The following DCUN1D2 variants were observed in gnomAD, a reference collection of about 807,000 sequenced individuals.
The protein encoded by DCUN1D2 is defective in cullin neddylation 1 domain containing 2, also known as DCN1-like protein 2.
Under a neutral mutation model 30.9 loss-of-function variants are expected in DCUN1D2, and 29 were observed. That is an observed-to-expected ratio of 0.94 (90% CI 0.70 to 1.28). The LOEUF (loss-of-function observed/expected upper bound fraction) is 1.28. Among genes scored for constraint, DCUN1D2 ranks in the 50% most tolerant of loss-of-function variants. DCUN1D2 has a pLI of 0.00. For missense variants in DCUN1D2, 325 were observed against 316.9 expected (o/e 1.03, Z -0.19); for synonymous variants, 121 against 115.3 (o/e 1.05, Z -0.32).
At chr13:113,474,306 A>C (rs761347088) in intron 3 of DCUN1D2, 52 bp from the exon 4 acceptor site, 2 of 1,598,758 alleles carry the variant, frequency 1.3e-6, no homozygotes, top group Non-Finnish European at 1.7e-6. Context: ...TCCCTAGTCG[A>C]CTCCCCTTGT....
rs1293937896 is a variant in DCUN1D2 at position 113,455,978 on chromosome 13, TCAAAAA to T, written c.*2045_*2050del. On this transcript the variant is annotated 3_prime_UTR_variant, in exon 7 of 7. Transcript: ENST00000478244. ...TGACAATCCCTTAGAACTTTAAATC[TCAAAAA>T]CAAAAAAGTACTGTGGATCTCCATA... is the stretch of plus-strand genomic sequence containing the variant. The T allele has an allele frequency of 5.3e-6, 2 of 379,810 alleles. No homozygotes were observed. The highest frequency in any genetic ancestry group is 2.1e-5 in the African/African-American group (1 of 48,298). 23.5% of individuals were successfully genotyped at this position (379,810 alleles called of 1,614,324 possible).
chr13:113,473,733 G>C (rs1215519328), intron 4 of DCUN1D2, among the ~76,000 whole-genome samples: 3 of 152,246 alleles, frequency 2.0e-5, no homozygotes, highest in Admixed American at 1.3e-4. Flanking sequence ...GCCGGCCGCA[G>C]TGGCTCAGGC....
At position 113,483,975 on chromosome 13, in the gene DCUN1D2, A is replaced by C. The variant is rs2044757211; in HGVS notation, c.85T>G (p.Cys29Gly). ...AGTCTCCACTCATTCTGCGTTAAGCAGTAGATAGCAGTTCTCTCGCCAGCC... is the reference window on the plus strand; with the variant it reads ...AGTCTCCACTCATTCTGCGTTAAGCCGTAGATAGCAGTTCTCTCGCCAGCC... ...TQAGERTAIY[C>G]LTQNEWRLDE... The change falls in exon 2 of 7, where the codon TGC becomes GGC. Residue 29 changes from cysteine (C) to glycine (G), a missense_variant. Transcript: ENST00000478244. 6.2e-7 allele frequency: 1 copy of C among 1,614,250 alleles called. No homozygotes were observed. Among genetic ancestry groups the C allele is most frequent in the East Asian group, 2.2e-5 (1 of 44,890 alleles).
intron 4 of DCUN1D2, among the ~76,000 whole-genome samples, chr13:113,468,159 C>T (rs1439826199): frequency 1.3e-5 from 2 of 152,052 alleles, no homozygotes; most frequent in African/African-American, 4.8e-5. Flanking sequence ...ACCGAAGTGT[C>T]CACTGGGATA....
Position 113,459,760 on chromosome 13 carries a change from C to T in DCUN1D2, c.604-352G>A, listed in dbSNP as rs373491047. On this transcript the variant is annotated intron_variant, in intron 5 of 6. Coordinates refer to ENST00000478244, the MANE Select transcript of DCUN1D2 (RefSeq NM_001014283.2). ...CATAAGCTTGTCTTACATTTTAAAA[C>T]ATTAACTGCTATCAAATTACACATA... 7.9e-5 allele frequency among the ~76,000 whole-genome samples: 12 copies of T among 152,274 alleles called. No individual in the cohort carries two copies. In the South Asian group the frequency reaches 2.5e-3, roughly 32 times the overall value.
chr13:113,482,415 A>G (rs2044726183), intron 2 of DCUN1D2, among the ~76,000 whole-genome samples: 1 of 152,230 alleles, frequency 6.6e-6, no homozygotes, highest in African/African-American at 2.4e-5. Context: ...TATGACTTAC[A>G]AAATTAGCTC....
At position 113,457,725 on chromosome 13, in the gene DCUN1D2, C is replaced by A. The variant is rs2044249045; in HGVS notation, c.*304G>T. ...CTACGCAGCATGCTCTGCGGTCCCA[C>A]AGGCGGCGCTATGGCTCTACCTTAG... is the stretch of plus-strand genomic sequence containing the variant. On this transcript the variant is annotated 3_prime_UTR_variant, in exon 7 of 7. Transcript: ENST00000478244. The A allele has an allele frequency of 4.1e-6, 1 of 244,874 alleles. No individual in the cohort carries two copies. The highest frequency in any genetic ancestry group is 2.2e-5 in the African/African-American group (1 of 45,694). 15.2% of individuals were successfully genotyped at this position (244,874 alleles called of 1,614,324 possible).
At chr13:113,487,341 C>T (rs1396829036) in intron 1 of DCUN1D2, among the ~76,000 whole-genome samples, 1 of 152,168 alleles carries the variant, frequency 6.6e-6, no homozygotes, top group Non-Finnish European at 1.5e-5. Flanking sequence ...CATGGTTATA[C>T]AACAACATTT....
At chr13:113,469,147 C>T (rs1055264118) in intron 4 of DCUN1D2, among the ~76,000 whole-genome samples, 6 of 103,526 alleles carry the variant, frequency 5.8e-5, no homozygotes, top group Admixed American at 4.5e-4. Context: ...CACGCCTGCA[C>T]ACACACACAC....
rs1436486306 is a variant in DCUN1D2 at position 113,456,879 on chromosome 13, G to GTATT, written c.*1149_*1150insAATA. On this transcript the variant is annotated 3_prime_UTR_variant, in exon 7 of 7. Coordinates refer to ENST00000478244, the MANE Select transcript of DCUN1D2 (RefSeq NM_001014283.2). Reference sequence around the variant, plus strand: ...ACCAGCTCATTCGGTTTTATTGTATGTATGTATGTATTTATTTTGAGACAG... The same window carrying GTATT: ...ACCAGCTCATTCGGTTTTATTGTATGTATTTATGTATGTATTTATTTTGAGACAG... The GTATT allele has an allele frequency of 6.9e-6, 1 of 145,156 alleles. No individual in the cohort carries two copies. Among genetic ancestry groups the GTATT allele is most frequent in the African/African-American group, 2.7e-5 (1 of 36,748 alleles). The allele number at this position is 145,156 out of a possible 1,614,324, so 9.0% of individuals were successfully genotyped here.
intron 3 of DCUN1D2, among the ~76,000 whole-genome samples, chr13:113,476,643 T>C (rs556252976): frequency 2.0e-5 from 3 of 152,358 alleles, no homozygotes; most frequent in South Asian, 2.1e-4. Context: ...CAGAAGTTCT[T>C]ATTTTTACTA....
chr13:113,476,099 A>G (rs1325305063), intron 3 of DCUN1D2: 4 of 152,210 alleles, frequency 2.6e-5, no homozygotes, highest in Non-Finnish European at 4.4e-5. Context: ...TGTTATATAC[A>G]TATTTTATGA....
intron 4 of DCUN1D2, among the ~76,000 whole-genome samples, chr13:113,466,397 C>G (rs1283471787): frequency 1.3e-5 from 2 of 152,142 alleles, no homozygotes; most frequent in African/African-American, 4.8e-5. Context: ...AATCTGGCAT[C>G]TGGTATGTAG....
chr13:113,487,540 C>A (rs2044828458), intron 1 of DCUN1D2, among the ~76,000 whole-genome samples: 1 of 152,134 alleles, frequency 6.6e-6, no homozygotes, highest in Admixed American at 6.5e-5. Context: ...GTGCACGAGT[C>A]CAGCCACACG....
intron 4 of DCUN1D2, among the ~76,000 whole-genome samples, chr13:113,463,564 T>G (rs1342475579): frequency 6.6e-6 from 1 of 151,482 alleles, no homozygotes; most frequent in Non-Finnish European, 1.5e-5. Context: ...CACAAAAGAT[T>G]CCCAAAGCCA....
rs1329182319 is a variant in DCUN1D2, at chr13:113,480,560, G to A, written c.389+15C>T. On this transcript the variant is annotated intron_variant, in intron 3 of 6. Coordinates refer to ENST00000478244, the MANE Select transcript of DCUN1D2 (RefSeq NM_001014283.2). Reference sequence around the variant, plus strand: ...TCATTTCTGAAAACATTTAAGCTAAGAATAGTTGACTTACCCAAGTTCTGT... The same window carrying A: ...TCATTTCTGAAAACATTTAAGCTAAAAATAGTTGACTTACCCAAGTTCTGT... 2.5e-6 allele frequency: 4 copies of A among 1,613,632 alleles called. No homozygotes were observed. The East Asian group carries it at 6.7e-5, about 27-fold the overall frequency.
chr13:113,474,924 C>T (rs1169635025), intron 3 of DCUN1D2, among the ~76,000 whole-genome samples: 1 of 152,176 alleles, frequency 6.6e-6, no homozygotes, highest in Non-Finnish European at 1.5e-5. Context: ...AAACACAGCT[C>T]TATGTTGTTT....
At chr13:113,473,796 G>A (rs900127664) in intron 4 of DCUN1D2, among the ~76,000 whole-genome samples, 1 of 152,168 alleles carries the variant, frequency 6.6e-6, no homozygotes, top group Admixed American at 6.5e-5. Flanking sequence ...AGGAGTTCGA[G>A]ACCAGCATAG....
chr13:113,468,502 G>T (rs1021081682), intron 4 of DCUN1D2, among the ~76,000 whole-genome samples: 1 of 152,184 alleles, frequency 6.6e-6, no homozygotes, highest in Non-Finnish European at 1.5e-5. Context: ...CTATTGAACC[G>T]TACACTTAAA....
Sources: gnomAD v4.1 joint callset for allele counts (sites outside exome capture counted in the v4.1 genomes callset) on GRCh38, gnomAD v4.1.1 for gene constraint, MANE v1.5 for transcripts, NCBI Gene and HGNC (gene_info 2026-07-23, HGNC 2026-07-21) for gene names.